Variants in IL16 observed in about 807,000 individuals in gnomAD.
IL16 encodes interleukin 16.
A neutral mutation model predicts 110.1 loss-of-function variants in IL16; 67 were observed. The ratio of observed to expected loss-of-function variants is 0.61; its 90% CI spans 0.50 to 0.75. The LOEUF (loss-of-function observed/expected upper bound fraction) is 0.75. Ranked by LOEUF, IL16 falls within the 30% of genes least tolerant of loss-of-function variation. The pLI is 0.00. For synonymous variants in IL16, 689 were observed against 662.9 expected (o/e 1.04, Z -0.61); for missense variants, 1,545 against 1,655.0 (o/e 0.93, Z 1.15).
intron 2 of IL16, among the ~76,000 whole-genome samples, chr15:81,245,914 T>C (rs1897529681): frequency 6.6e-6 from 1 of 151,942 alleles, no homozygotes; most frequent in African/African-American, 2.4e-5. Context: ...TAACATCAAA[T>C]ATCTAGAGTT....
chr15:81,306,306 A>G (rs376411710), intron 17 of IL16, 114 bp from the exon 18 acceptor site: 21 of 1,534,682 alleles, frequency 1.4e-5, no homozygotes, highest in East Asian at 2.2e-5. Context: ...ACGTGTTTAC[A>G]TGTGCCTGTG....
intron 12 of IL16, chr15:81,295,279 T>A: frequency 1.2e-6 from 1 of 819,972 alleles, no homozygotes; most frequent in Non-Finnish European, 1.6e-6. Context: ...CCAAGCATGG[T>A]TCCAGGAAAC....
intron 1 of IL16, among the ~76,000 whole-genome samples, chr15:81,219,206 TC>T (rs1896534949): frequency 1.3e-5 from 2 of 152,192 alleles, no homozygotes; most frequent in Non-Finnish European, 2.9e-5. Flanking sequence ...TGTGTGGACA[TC>T]CCTATGTGTA....
intron 2 of IL16, among the ~76,000 whole-genome samples, chr15:81,247,070 C>CTCTTTTTTTTTTTTTT (rs1567016849): frequency 9.3e-6 from 1 of 107,608 alleles, no homozygotes; most frequent in African/African-American, 3.5e-5. Flanking sequence ...TCTTTCTTTT[C>CTCTTTTTTTTTTTTTT]TTTTCCTTTT....
intron 2 of IL16, among the ~76,000 whole-genome samples, chr15:81,240,589 C>A (rs1897307816): frequency 6.6e-6 from 1 of 152,254 alleles, no homozygotes; most frequent in South Asian, 2.1e-4. Flanking sequence ...TTGCAACTTT[C>A]ATTTCCCTGA....
In IL16 at chr15:81,282,646, C is replaced by T. The variant is rs201533732; in HGVS notation, c.1089C>T (p.Gly363=). 3,031 of 1,612,162 alleles carry T rather than the reference C, an allele frequency of 1.9e-3. 3 individuals carry two copies. Among genetic ancestry groups the T allele is most frequent in the Non-Finnish European group, 2.2e-3 (2,647 of 1,179,438 alleles). Residue 363 remains glycine (G), a synonymous_variant, in exon 9 of 19, where the codon GGC becomes GGT. Coordinates refer to ENST00000683961, the MANE Select transcript of IL16 (RefSeq NM_172217.5). The part of the protein sequence containing the change: ...MVEVSLQKEA[G]VGLGIGLCSV... Reference sequence around the variant, plus strand: ...GCCCTGTTCTGCTTCCAGAGGCCGGCGTGGGCCTGGGCATCGGCCTGTGCA... The same window carrying T: ...GCCCTGTTCTGCTTCCAGAGGCCGGTGTGGGCCTGGGCATCGGCCTGTGCA...
chr15:81,263,066 G>A (rs1389034268), intron 3 of IL16, among the ~76,000 whole-genome samples: 1 of 152,090 alleles, frequency 6.6e-6, no homozygotes, highest in Admixed American at 6.6e-5. Context: ...TATAATGATT[G>A]TGAAAGGTTT....
At chr15:81,273,635 G>C (rs1898758855) in intron 6 of IL16, among the ~76,000 whole-genome samples, 1 of 152,032 alleles carries the variant, frequency 6.6e-6, no homozygotes, top group Non-Finnish European at 1.5e-5. Context: ...AGGGAAACCA[G>C]GTTCAATGCT....
Position 81,197,069 on chromosome 15 carries a change from C to A in IL16, c.-185C>A. ...GGCTGTCCGGGAATAAGTGGTGCTG[C>A]AATCCCTGCTGGGCAGATGGAGAGA... On this transcript the variant is annotated 5_prime_UTR_variant, in exon 1 of 19. Transcript: ENST00000683961. The A allele has an allele frequency of 7.8e-7, 1 of 1,288,788 alleles. No individual in the cohort carries two copies. Among genetic ancestry groups the A allele is most frequent in the Non-Finnish European group, 1.0e-6 (1 of 988,516 alleles). The allele number at this position is 1,288,788 out of a possible 1,614,324, so 79.8% of individuals were successfully genotyped here. A position where few individuals can be genotyped will look rare whatever the true frequency, so the allele number is the denominator to read the frequency against.
At chr15:81,266,137 C>T (rs1596010037) in intron 4 of IL16, among the ~76,000 whole-genome samples, 1 of 152,286 alleles carries the variant, frequency 6.6e-6, no homozygotes, top group South Asian at 2.1e-4. Flanking sequence ...TGCACATACT[C>T]CTAAGAGGTA....
At chr15:81,280,226 G>A (rs1474251167) in intron 8 of IL16, among the ~76,000 whole-genome samples, 2 of 152,200 alleles carry the variant, frequency 1.3e-5, no homozygotes, top group Non-Finnish European at 2.9e-5. Context: ...CCAGGTGGGG[G>A]CTCGGAGCCC....
chr15:81,225,403 G>A lies in IL16; in HGVS notation c.4G>A (p.Glu2Lys). 1 of 1,613,658 alleles carries A rather than the reference G, an allele frequency of 6.2e-7. No homozygotes were observed. The highest frequency in any genetic ancestry group is 8.5e-7 in the Non-Finnish European group (1 of 1,179,968). The change falls in exon 2 of 19, where the codon GAG becomes AAG. Residue 2 changes from glutamate (E) to lysine (K), a missense_variant. Physicochemically the swap from Glu to Lys is moderately conservative, Grantham distance 56. This residue lies in a region of IL16 where 1,185 missense variants were observed against 1,238.8 expected (regional missense o/e 0.96). Transcript: ENST00000683961. M[E>K]SHSRAGKSRK... is the part of the protein sequence containing the mutation. ...CAGCTTCACTTCCTCTTTGAGGATG[G>A]AGTCGCACAGCCGCGCTGGAAAGAG...
intron 2 of IL16, among the ~76,000 whole-genome samples, chr15:81,251,533 A>G (rs941073186): frequency 1.3e-5 from 2 of 152,154 alleles, no homozygotes; most frequent in Non-Finnish European, 2.9e-5. Flanking sequence ...CATGTTTTCT[A>G]TTACAAACAA....
chr15:81,219,446 T>A (rs1017190252), intron 1 of IL16, among the ~76,000 whole-genome samples: 3 of 150,224 alleles, frequency 2.0e-5, no homozygotes, highest in Non-Finnish European at 2.9e-5. Context: ...GGTAATATAT[T>A]ACCTCCATAT....
intron 2 of IL16, among the ~76,000 whole-genome samples, chr15:81,251,468 G>A (rs749675341): frequency 6.6e-6 from 1 of 152,116 alleles, no homozygotes; most frequent in Non-Finnish European, 1.5e-5. Context: ...ACCAGACATA[G>A]AAGTCTCCTG....
At chr15:81,228,243 G>A (rs1290930982) in intron 2 of IL16, among the ~76,000 whole-genome samples, 1 of 152,090 alleles carries the variant, frequency 6.6e-6, no homozygotes, top group Non-Finnish European at 1.5e-5. Flanking sequence ...TGGGGAAGGA[G>A]TGGGCATGGG....
At position 81,277,021 on chromosome 15, in the gene IL16, G is replaced by A. The variant is rs28675924; in HGVS notation, c.791-1796G>A. ...GGAATATAAACTGTAAGACAAGACC[G>A]GAAACAGTAAAAAAAAAAATAAGTG... On this transcript the variant is annotated intron_variant, in intron 6 of 18. Transcript: ENST00000683961. 3.7e-3 allele frequency among the ~76,000 whole-genome samples: 473 copies of A among 127,936 alleles called. 3 individuals are homozygous for A. Among genetic ancestry groups the A allele is most frequent in the African/African-American group, 0.014 (441 of 31,890 alleles). 83.9% of individuals were successfully genotyped at this position (127,936 alleles called of 152,430 possible).
At chr15:81,261,583 C>T (rs149143294) in intron 3 of IL16, among the ~76,000 whole-genome samples, 5 of 152,240 alleles carry the variant, frequency 3.3e-5, no homozygotes, top group Admixed American at 2.0e-4. Context: ...CTGGTAACAC[C>T]ATTTCCCCAC....
chr15:81,182,768 A>G (rs1474284458), exon 1 of IL16: 1 of 727,778 alleles, frequency 1.4e-6, no homozygotes, highest in African/African-American at 1.8e-5. Context: ...CTCCCAGCCG[A>G]GAAGCTGCCA....
Sources: gnomAD v4.1 joint callset for allele counts (sites outside exome capture counted in the v4.1 genomes callset) on GRCh38, gnomAD v4.1.1 for gene constraint, gnomAD v4.1.1 regional missense constraint, MANE v1.5 for transcripts, NCBI Gene and HGNC (gene_info 2026-07-23, HGNC 2026-07-21) for gene names.